The following ALCAM variants were observed in gnomAD, a reference collection of about 807,000 sequenced individuals.
The protein encoded by ALCAM is CD166 antigen.
Under a neutral mutation model 70.9 loss-of-function variants are expected in ALCAM, and 30 were observed. That is an observed-to-expected ratio of 0.42 (90% CI 0.32 to 0.57). ALCAM has a LOEUF of 0.57. ALCAM is among the 20% of genes least tolerant of loss of function. The pLI is 0.11. For synonymous variants in ALCAM, 249 were observed against 242.5 expected, an observed-to-expected ratio of 1.03 and a Z score of -0.25; for missense variants, 591 against 695.1, an observed-to-expected ratio of 0.85 and a Z score of 1.68.
intron 1 of ALCAM, among the ~76,000 whole-genome samples, chr3:105,472,886 T>C (rs1937974897): frequency 6.6e-6 from 1 of 151,532 alleles, no homozygotes; most frequent in Admixed American, 6.6e-5. Context: ...AAAATATAAT[T>C]AGCATGATTC....
intron 1 of ALCAM, among the ~76,000 whole-genome samples, chr3:105,375,813 T>G (rs911284170): frequency 2.0e-5 from 3 of 152,124 alleles, no homozygotes; most frequent in Non-Finnish European, 4.4e-5. Flanking sequence ...ACATGCAAAC[T>G]AAGTTGTATC....
chr3:105,572,049 G>A, intron 15 of ALCAM, 85 bp downstream of exon 15: 1 of 728,008 alleles, frequency 1.4e-6, no homozygotes, highest in Non-Finnish European at 2.2e-6. Context: ...ATGTTAAGAT[G>A]CTCCATAATT....
At chr3:105,475,163 A>ATATC (rs2152605037) in intron 1 of ALCAM, among the ~76,000 whole-genome samples, 1 of 152,014 alleles carries the variant, frequency 6.6e-6, no homozygotes, top group Non-Finnish European at 1.5e-5. Flanking sequence ...TACATTGTCA[A>ATATC]TAGGCTAAGG....
chr3:105,429,876 A>G (rs1261500518), intron 1 of ALCAM, among the ~76,000 whole-genome samples: 1 of 151,946 alleles, frequency 6.6e-6, no homozygotes, highest in Non-Finnish European at 1.5e-5. Flanking sequence ...CTATATTGTA[A>G]TGCTTGGAAA....
chr3:105,438,881 A>C (rs1001273964), intron 1 of ALCAM, among the ~76,000 whole-genome samples: 3 of 152,100 alleles, frequency 2.0e-5, no homozygotes, highest in African/African-American at 4.8e-5. Context: ...AAAATAAATA[A>C]ATGAAGGAAG....
At position 105,542,190 on chromosome 3, in the gene ALCAM, A is replaced by G. The variant is rs139934966; in HGVS notation, c.991+425A>G. 1.7e-4 allele frequency among the ~76,000 whole-genome samples: 26 copies of G among 152,046 alleles called. 1 individual carries two copies. In the East Asian group the frequency reaches 5.0e-3, roughly 30 times the overall value. On this transcript the variant is annotated intron_variant, in intron 8 of 15. Coordinates refer to ENST00000306107, the MANE Select transcript of ALCAM (RefSeq NM_001627.4). ...CAAACTCAGACAATACAAAGTTACT[A>G]CAGACTCAGTTTTGGGAACAGGAAG...
At chr3:105,551,959 A>G (rs1940419383) in intron 12 of ALCAM, among the ~76,000 whole-genome samples, 185 bp from the exon 13 acceptor site, 1 of 151,418 alleles carries the variant, frequency 6.6e-6, no homozygotes, top group African/African-American at 2.4e-5. Flanking sequence ...CTCTCCTTAA[A>G]ACAAGATTAA....
intron 8 of ALCAM, among the ~76,000 whole-genome samples, chr3:105,543,686 G>A (rs576916797): frequency 9.9e-5 from 15 of 151,710 alleles, no homozygotes; most frequent in African/African-American, 3.4e-4. Context: ...CACACATAGA[G>A]TCTTCATCAG....
At position 105,512,205 on chromosome 3, in the gene ALCAM, C is replaced by T. The variant is rs369060144; in HGVS notation, c.74-7862C>T. ...TCAAGAGATCTTTTTGTTGTCATGACATTAAACTATTTGCAGAAAACAAAT... is the reference window on the plus strand; with the variant it reads ...TCAAGAGATCTTTTTGTTGTCATGATATTAAACTATTTGCAGAAAACAAAT... On this transcript the variant is annotated intron_variant, in intron 1 of 15. Transcript: ENST00000306107. Among the ~76,000 whole-genome samples the T allele has an allele frequency of 1.4e-4, 22 of 152,038 alleles. 1 individual carries two copies. The highest frequency in any genetic ancestry group is 3.4e-4 in the African/African-American group (14 of 41,512).
In ALCAM at chr3:105,367,274, A is replaced by AG; in HGVS notation, c.-131dup. 1 of 804,368 alleles carries AG rather than the reference A, an allele frequency of 1.2e-6. No homozygotes were observed. Among genetic ancestry groups the AG allele is most frequent in the Non-Finnish European group, 2.0e-6 (1 of 495,886 alleles). 49.8% of individuals were successfully genotyped at this position (804,368 alleles called of 1,614,324 possible). ...AACCGAAGGTGCAGCGCCACAGCCC[A>AG]GGGGACGGTGTGTCTGGGAGAAGAC... is the stretch of plus-strand genomic sequence containing the variant. On this transcript the variant is annotated 5_prime_UTR_variant, in exon 1 of 16. Coordinates refer to ENST00000306107, the MANE Select transcript of ALCAM (RefSeq NM_001627.4).
rs554535209 is a variant in ALCAM, at chr3:105,537,277, C to T, written c.730+2432C>T. Among the ~76,000 whole-genome samples, 28 of 152,238 alleles carry T rather than the reference C, an allele frequency of 1.8e-4. No homozygotes were observed. The East Asian group carries it at 4.5e-3, about 24-fold the overall frequency. Reference sequence around the variant, plus strand: ...CCATTCCTCATTGCCTCTATTCCTGCGATGGATTTCAAAGTAGTATTTTTC... The same window carrying T: ...CCATTCCTCATTGCCTCTATTCCTGTGATGGATTTCAAAGTAGTATTTTTC... On this transcript the variant is annotated intron_variant, in intron 6 of 15. Coordinates refer to ENST00000306107, the MANE Select transcript of ALCAM (RefSeq NM_001627.4).
chr3:105,468,515 T>A (rs1295726624), intron 1 of ALCAM, among the ~76,000 whole-genome samples: 1 of 151,326 alleles, frequency 6.6e-6, no homozygotes, highest in Non-Finnish European at 1.5e-5. Flanking sequence ...CATCATTTTG[T>A]TAGCCTGTCA....
chr3:105,452,346 A>G (rs940971298), intron 1 of ALCAM, among the ~76,000 whole-genome samples: 10 of 151,986 alleles, frequency 6.6e-5, no homozygotes, highest in African/African-American at 2.2e-4. Flanking sequence ...TTCCTGTGTT[A>G]CTTTCCTGAG....
chr3:105,456,705 C>T (rs569974234), intron 1 of ALCAM, among the ~76,000 whole-genome samples: 1 of 152,028 alleles, frequency 6.6e-6, no homozygotes, highest in East Asian at 1.9e-4. Flanking sequence ...GTTATAAGCC[C>T]AAAATGGCAT....
At chr3:105,466,840 G>C (rs562643259) in intron 1 of ALCAM, among the ~76,000 whole-genome samples, 3 of 151,448 alleles carry the variant, frequency 2.0e-5, no homozygotes, top group East Asian at 3.9e-4. Flanking sequence ...TCAGTGTCTA[G>C]TTTCAACAGC....
At chr3:105,393,159 T>G (rs1935865438) in intron 1 of ALCAM, among the ~76,000 whole-genome samples, 1 of 151,874 alleles carries the variant, frequency 6.6e-6, no homozygotes, top group Non-Finnish European at 1.5e-5. Flanking sequence ...CATATTGAAA[T>G]TAAAATGATC....
intron 14 of ALCAM, among the ~76,000 whole-genome samples, chr3:105,556,042 T>C (rs912128421): frequency 1.3e-5 from 2 of 151,996 alleles, no homozygotes; most frequent in Non-Finnish European, 2.9e-5. Context: ...ATTGAAGAAC[T>C]AGAGATATTT....
At chr3:105,566,858 TA>T (rs1940754359) in intron 14 of ALCAM, among the ~76,000 whole-genome samples, 1 of 152,188 alleles carries the variant, frequency 6.6e-6, no homozygotes, top group Admixed American at 6.5e-5. Context: ...TGTATTTTTT[TA>T]TTCTTTCTTA....
At chr3:105,412,504 G>A (rs1286710245) in intron 1 of ALCAM, among the ~76,000 whole-genome samples, 1 of 152,052 alleles carries the variant, frequency 6.6e-6, no homozygotes, top group Non-Finnish European at 1.5e-5. Context: ...CGATCCATAT[G>A]GACTTCATTT....
Sources: gnomAD v4.1 joint callset for allele counts (sites outside exome capture counted in the v4.1 genomes callset) on GRCh38, gnomAD v4.1.1 for gene constraint, MANE v1.5 for transcripts, NCBI Gene and HGNC (gene_info 2026-07-23, HGNC 2026-07-21) for gene names.